Variants in PRDM8 observed in about 807,000 individuals in gnomAD.
PRDM8 encodes the protein PR/SET domain 8, also known as PR domain zinc finger protein 8.
Under a neutral mutation model 46.5 loss-of-function variants are expected in PRDM8, and 13 were observed. The ratio of observed to expected loss-of-function variants is 0.28; its 90% CI spans 0.18 to 0.44. The LOEUF is 0.44. PRDM8 is among the 20% of genes least tolerant of loss of function. The pLI is 1.00. For missense variants in PRDM8, 998 were observed against 955.0 expected (o/e 1.04, Z -0.59); for synonymous variants, 473 against 438.4 (o/e 1.08, Z -0.98).
At chr4:80,187,743 T>C (rs1426733823) in intron 1 of PRDM8, among the ~76,000 whole-genome samples, 1 of 152,172 alleles carries the variant, frequency 6.6e-6, no homozygotes, top group Non-Finnish European at 1.5e-5. Context: ...GCTCCTCCTG[T>C]CCTCGGAGTC....
intron 2 of PRDM8, 126 bp from the exon 3 acceptor site, chr4:80,201,164 G>T: frequency 2.3e-6 from 2 of 886,346 alleles, no homozygotes; most frequent in South Asian, 1.7e-5. Flanking sequence ...TGGAAGCGTG[G>T]TCTCAGACAA....
intron 1 of PRDM8, among the ~76,000 whole-genome samples, chr4:80,186,186 A>G (rs755833966): frequency 2.6e-5 from 4 of 152,172 alleles, no homozygotes; most frequent in Non-Finnish European, 5.9e-5. Flanking sequence ...GAAATGGAGA[A>G]GAGGAAGGAT....
At chr4:80,196,966 G>T (rs1359680295), upstream of PRDM8, 1 of 985,314 alleles carries the variant, frequency 1.0e-6, no homozygotes, top group East Asian at 1.1e-4. Flanking sequence ...TTTGCAGGGG[G>T]AAGCTTGGTA....
At chr4:80,199,009 T>TTTTTTTTTTTTTTTG (rs1738214969) in intron 1 of PRDM8, among the ~76,000 whole-genome samples, 1 of 131,628 alleles carries the variant, frequency 7.6e-6, no homozygotes, top group Non-Finnish European at 1.6e-5. Context: ...TTTTTTTTTT[T>TTTTTTTTTTTTTTTG]TTTTTTTTTA....
intron 1 of PRDM8, among the ~76,000 whole-genome samples, chr4:80,186,875 C>A (rs1339909048): frequency 6.6e-6 from 1 of 152,140 alleles, no homozygotes; most frequent in Non-Finnish European, 1.5e-5. Flanking sequence ...TGTCCAGCAG[C>A]CTAACAGTGG....
In PRDM8 at chr4:80,202,002, G is replaced by A. The variant is rs1560476253; in HGVS notation, c.540G>A (p.Lys180=). ...CGCATCTGCGTTTCCGCTGCCCCAAGAGACTTCACAGCGCTGATATAAGTC... is the reference window on the plus strand; with the variant it reads ...CGCATCTGCGTTTCCGCTGCCCCAAAAGACTTCACAGCGCTGATATAAGTC... ...YVAHLRFRCP[K]RLHSADISPQ... The change falls in exon 4 of 4, where the codon AAG becomes AAA. Residue 180 remains lysine, a synonymous_variant. Transcript: ENST00000415738. 7 of 1,614,038 alleles carry A rather than the reference G, an allele frequency of 4.3e-6. No individual in the cohort carries two copies. The highest frequency in any genetic ancestry group is 5.9e-6 in the Non-Finnish European group (7 of 1,180,034).
At position 80,202,627 on chromosome 4, in the gene PRDM8, G is replaced by T; in HGVS notation, c.1165G>T (p.Val389Leu). The T allele has an allele frequency of 1.3e-6, 2 of 1,526,614 alleles. No homozygotes were observed. The highest frequency in any genetic ancestry group is 1.8e-6 in the Non-Finnish European group (2 of 1,142,802). 94.6% of individuals were successfully genotyped at this position (1,526,614 alleles called of 1,614,324 possible). ...GEAKRSAFVEVKKAARAASLQ... is the reference protein window; with the variant it reads ...GEAKRSAFVELKKAARAASLQ... ...GGCGAAGCGCAGCGCCTTCGTGGAG[G>T]TGAAGAAGGCTGCCCGCGCGGCCAG... Residue 389 changes from valine to leucine, a missense_variant, in exon 4 of 4, where the codon GTG becomes TTG. Coordinates refer to ENST00000415738, the MANE Select transcript of PRDM8 (RefSeq NM_001099403.2).
At position 80,200,152 on chromosome 4, in the gene PRDM8, T is replaced by C. The variant is rs1344172865; in HGVS notation, c.72T>C (p.Asp24=). The C allele has an allele frequency of 6.2e-7, 1 of 1,614,052 alleles. No individual in the cohort carries two copies. ...DAKAVQQCLT[D]IFTSVYTTCD... ...AGGCTGTCCAACAATGTCTGACAGA[T>C]ATTTTTACCAGCGTTTACACCACCT... is the stretch of plus-strand genomic sequence containing the variant. The change falls in exon 2 of 4, where the codon GAT becomes GAC. Residue 24 remains aspartate, a synonymous_variant. Coordinates refer to ENST00000415738, the MANE Select transcript of PRDM8 (RefSeq NM_001099403.2).
Position 80,202,264 on chromosome 4 carries a change from C to A in PRDM8, c.802C>A (p.Leu268Met). Reference protein sequence around the residue: ...STDFHNLARELENSRGGSSCS... With the variant: ...STDFHNLAREMENSRGGSSCS... ...AGACTTCCACAACCTGGCCAGGGAGCTGGAAAACTCCCGGGGAGGCAGCAG... is the reference window on the plus strand; with the variant it reads ...AGACTTCCACAACCTGGCCAGGGAGATGGAAAACTCCCGGGGAGGCAGCAG... The change falls in exon 4 of 4, where the codon CTG (leucine) becomes ATG (methionine). Residue 268 changes from leucine to methionine, a missense_variant. Coordinates refer to ENST00000415738, the MANE Select transcript of PRDM8 (RefSeq NM_001099403.2). 6.2e-7 allele frequency: 1 copy of A among 1,611,360 alleles called. No individual in the cohort carries two copies. Among genetic ancestry groups the A allele is most frequent in the Non-Finnish European group, 8.5e-7 (1 of 1,179,502 alleles).
At chr4:80,199,166 C>T (rs1304430014) in intron 1 of PRDM8, among the ~76,000 whole-genome samples, 2 of 151,674 alleles carry the variant, frequency 1.3e-5, no homozygotes, top group Non-Finnish European at 2.9e-5. Flanking sequence ...GGGCTGCCCC[C>T]TCTTGCCCAA....
chr4:80,192,417 C>T (rs967044362), intron 2 of PRDM8, among the ~76,000 whole-genome samples: 5 of 152,202 alleles, frequency 3.3e-5, no homozygotes, highest in Non-Finnish European at 7.3e-5. Flanking sequence ...AATGTTGTCA[C>T]ATTCCCAAGG....
chr4:80,191,743 T>C lies in PRDM8; in HGVS notation c.-885+174T>C, dbSNP rs114240152. 4.8e-3 allele frequency among the ~76,000 whole-genome samples: 736 copies of C among 152,302 alleles called. 5 individuals carry two copies. Among genetic ancestry groups the C allele is most frequent in the African/African-American group, 0.017 (701 of 41,566 alleles). ...TGAAAACTAACACCTCTTCATATAA[T>C]GTTTTGGGAGACATCCCCCATTGAT... On this transcript the variant is annotated intron_variant, in intron 2 of 9. Transcript: ENST00000339711.
chr4:80,186,282 G>A (rs1470700692), intron 1 of PRDM8, among the ~76,000 whole-genome samples: 3 of 99,206 alleles, frequency 3.0e-5, no homozygotes, highest in East Asian at 2.2e-4. Context: ...GCCTTATTAG[G>A]AGCCTTTTTT....
upstream of PRDM8, chr4:80,196,399 C>G: frequency 1.0e-6 from 1 of 985,510 alleles, no homozygotes; most frequent in East Asian, 1.1e-4. Context: ...TCCCCAGCGA[C>G]GTGGTGTTGC....
upstream of PRDM8, chr4:80,196,265 T>C (rs541402298): frequency 3.1e-4 from 302 of 960,990 alleles, 1 homozygote; most frequent in Non-Finnish European, 3.6e-4. Flanking sequence ...TGCTGACAGA[T>C]TGCCCACTTC....
In PRDM8 at chr4:80,203,600, C is replaced by T; in HGVS notation, c.*68C>T. 4 of 1,499,908 alleles carry T rather than the reference C, an allele frequency of 2.7e-6. No individual in the cohort carries two copies. 92.9% of individuals were successfully genotyped at this position (1,499,908 alleles called of 1,614,324 possible). On this transcript the variant is annotated 3_prime_UTR_variant, in exon 4 of 4. Coordinates refer to ENST00000415738, the MANE Select transcript of PRDM8 (RefSeq NM_001099403.2). ...TAAGCCACCTGCAGGAATAAACACGCGAGAACATCCACCGCTTCCTTGCAC... is the reference window on the plus strand; with the variant it reads ...TAAGCCACCTGCAGGAATAAACACGTGAGAACATCCACCGCTTCCTTGCAC...
At chr4:80,194,155 A>G (rs1170381162), upstream of PRDM8, 1 of 952,216 alleles carries the variant, frequency 1.1e-6, no homozygotes, top group Non-Finnish European at 1.3e-6. Flanking sequence ...ACCTCTCTCC[A>G]GCCCACTCTT....
In PRDM8 at chr4:80,201,532, T is replaced by TCGCGAC; in HGVS notation, c.451+14_451+19dup. On this transcript the variant is annotated intron_variant, in intron 3 of 3. Coordinates refer to ENST00000415738, the MANE Select transcript of PRDM8 (RefSeq NM_001099403.2). The stretch of plus-strand genomic sequence containing the variant: ...ACAACAAAATGAATGGTAGGTTGGC[T>TCGCGAC]CGCGACCGGCGTGTGGGCCCTTAAC... 1 of 1,610,990 alleles carries TCGCGAC rather than the reference T, an allele frequency of 6.2e-7. No homozygotes were observed. Among genetic ancestry groups the TCGCGAC allele is most frequent in the Non-Finnish European group, 8.5e-7 (1 of 1,177,212 alleles).
At chr4:80,187,016 T>C (rs1737148182) in intron 1 of PRDM8, among the ~76,000 whole-genome samples, 1 of 152,224 alleles carries the variant, frequency 6.6e-6, no homozygotes, top group Non-Finnish European at 1.5e-5. Context: ...TCATGCTTCG[T>C]TGGGCAGAGG....
Sources: gnomAD v4.1 joint callset for allele counts (sites outside exome capture counted in the v4.1 genomes callset) on GRCh38, gnomAD v4.1.1 for gene constraint, MANE v1.5 for transcripts, NCBI Gene and HGNC (gene_info 2026-07-23, HGNC 2026-07-21) for gene names.